The following ZC3HC1 variants were observed in gnomAD, a reference collection of about 807,000 sequenced individuals.
ZC3HC1 encodes zinc finger C3HC-type protein 1.
Under a neutral mutation model 61.9 loss-of-function variants are expected in ZC3HC1, and 38 were observed. That is an observed-to-expected ratio of 0.61 (90% CI 0.47 to 0.81). The LOEUF (loss-of-function observed/expected upper bound fraction) is 0.81, where lower values mean the gene tolerates loss of function less well. Among genes scored for constraint, ZC3HC1 ranks in the 30% least tolerant of loss-of-function variants. The probability of loss-of-function intolerance (pLI) is 0.00; values close to 1 mark genes in which losing one functional copy is unlikely to be tolerated. For missense variants in ZC3HC1, 554 were observed against 622.7 expected, an observed-to-expected ratio of 0.89 and a Z score of 1.17; for synonymous variants, 213 against 229.9, an observed-to-expected ratio of 0.93 and a Z score of 0.67.
At chr7:130,051,412 G>T (rs374517126), upstream of ZC3HC1, 2 of 1,609,890 alleles carry the variant, frequency 1.2e-6, no homozygotes, top group African/African-American at 1.3e-5. Flanking sequence ...GAAGGCTCCG[G>T]AACTTCCGTC....
chr7:130,021,785 G>T (rs917810992), intron 9 of ZC3HC1, among the ~76,000 whole-genome samples: 2 of 152,122 alleles, frequency 1.3e-5, no homozygotes, highest in South Asian at 2.1e-4. Flanking sequence ...GAGAACAAAA[G>T]AATTTATCAG....
intron 4 of ZC3HC1, chr7:130,036,975 T>C (rs1794454040): frequency 6.6e-6 from 1 of 152,156 alleles, no homozygotes; most frequent in South Asian, 2.1e-4. Context: ...ACCTATAATA[T>C]TAAGTGGAAA....
rs35780865 is a variant in ZC3HC1 at position 130,034,484 on chromosome 7, C to CAAAA, written c.493+4976_493+4979dup. 1.1e-4 allele frequency among the ~76,000 whole-genome samples: 7 copies of CAAAA among 62,312 alleles called. 1 individual carries two copies. The highest frequency in any genetic ancestry group is 1.7e-4 in the Non-Finnish European group (6 of 34,438). The allele number at this position is 62,312 out of a possible 152,430, so 40.9% of individuals were successfully genotyped here. A position where few individuals can be genotyped will look rare whatever the true frequency, so the allele number is the denominator to read the frequency against. On this transcript the variant is annotated intron_variant, in intron 4 of 9. Transcript: ENST00000358303. ...TGGGCGACAGAGCGAGACTCCGTCT[C>CAAAA]AAAAAAAAAAAAAAAAAAAAAAAAA...
Position 130,024,471 on chromosome 7 carries a change from G to A in ZC3HC1, c.812C>T (p.Thr271Ile), listed in dbSNP as rs1793797922. The A allele has an allele frequency of 6.2e-7, 1 of 1,613,814 alleles. No individual in the cohort carries two copies. Reference sequence around the variant, plus strand: ...CACCTTCCTCATACATTGCGAACATGTTATCAGGGAGAGCTGCATGGATTC... The same window carrying A: ...CACCTTCCTCATACATTGCGAACATATTATCAGGGAGAGCTGCATGGATTC... ...SLESMQLSLI[T>I]CSQCMRKVGL... Residue 271 changes from threonine to isoleucine, a missense_variant, in exon 7 of 10, where the codon ACA (threonine) becomes ATA (isoleucine). Coordinates refer to ENST00000358303, the MANE Select transcript of ZC3HC1 (RefSeq NM_016478.5).
chr7:130,027,230 G>A (rs557007976), intron 5 of ZC3HC1: 1 of 152,072 alleles, frequency 6.6e-6, no homozygotes, highest in African/African-American at 2.4e-5. Flanking sequence ...AATTGCCTTG[G>A]CTAGGGACAG....
chr7:130,032,668 TGGAAGGAA>T (rs374532483), intron 4 of ZC3HC1, among the ~76,000 whole-genome samples: 2,460 of 58,010 alleles, frequency 0.042, 66 homozygotes, highest in African/African-American at 0.071. Flanking sequence ...ATAGAAGAAA[TGGAAGGAA>T]GGAAGGAAGG....
chr7:130,024,170 C>T (rs1793777894), intron 7 of ZC3HC1, 93 bp downstream of exon 7: 1 of 1,471,456 alleles, frequency 6.8e-7, no homozygotes, highest in South Asian at 1.3e-5. Context: ...GAAGAGAAGC[C>T]TATCCACCTA....
At position 130,049,135 on chromosome 7, in the gene ZC3HC1, CGT is replaced by C; in HGVS notation, c.154_155del (p.Thr52ValfsTer8). 6.3e-7 allele frequency: 1 copy of C among 1,595,100 alleles called. No homozygotes were observed. The highest frequency in any genetic ancestry group is 8.5e-7 in the Non-Finnish European group (1 of 1,171,750). ...PEEGGVDAKD[T>X]SATSQSVNGS... ...CATTAACTGACTGGGATGTGGCAGA[CGT>C]GTCCTTCCTAATATAAAGTGGCAAA... On this transcript the variant is annotated frameshift_variant, in exon 2 of 10. Transcript: ENST00000358303. LOFTEE classifies it high-confidence loss of function.
chr7:130,024,337 G>T lies in ZC3HC1; in HGVS notation c.946C>A (p.Pro316Thr), dbSNP rs1434111557. ...CTCCGAGGAGATTCAGGCACCAGAG[G>T]TAAGCGCTCTGGTCGCCCCTCAAGG... ...PGLEGRPERL[P>T]LVPESPRRMM... The change falls in exon 7 of 10, where the codon CCT becomes ACT. Residue 316 changes from proline to threonine, a missense_variant. Transcript: ENST00000358303. 6.2e-7 allele frequency: 1 copy of T among 1,614,124 alleles called. No individual in the cohort carries two copies. Among genetic ancestry groups the T allele is most frequent in the Admixed American group, 1.7e-5 (1 of 60,002 alleles).
In ZC3HC1 at chr7:130,023,623, CTGG is replaced by C. The variant is rs1408503315; in HGVS notation, c.1118_1120del (p.Thr373del). On this transcript the variant is annotated inframe_deletion, in exon 8 of 10. Coordinates refer to ENST00000358303, the MANE Select transcript of ZC3HC1 (RefSeq NM_016478.5). The surrounding 1 kb of genome is among the most constrained non-coding windows in gnomAD (Gnocchi z 4.2). ...CATGCTTCGGGTCACTGGGCGAGTT[CTGG>C]TGGTGGGGCTAGCAGCCTCTGGCTC... is the stretch of plus-strand genomic sequence containing the variant. 9.3e-6 allele frequency: 15 copies of C among 1,614,002 alleles called. No homozygotes were observed. Among genetic ancestry groups the C allele is most frequent in the Non-Finnish European group, 1.0e-5 (12 of 1,180,026 alleles).
chr7:130,026,028 C>T, intron 6 of ZC3HC1, 130 bp downstream of exon 6: 1 of 1,075,824 alleles, frequency 9.3e-7, no homozygotes, highest in Non-Finnish European at 1.3e-6. Flanking sequence ...CCATCCCCCA[C>T]CCAGTTTTTC....
At chr7:130,046,100 G>C (rs1353291155) in intron 2 of ZC3HC1, among the ~76,000 whole-genome samples, 2 of 152,100 alleles carry the variant, frequency 1.3e-5, no homozygotes, top group Admixed American at 1.3e-4. Context: ...TGAATGATGA[G>C]AACACATGGA....
chr7:130,042,216 T>C (rs1794706096), intron 2 of ZC3HC1, among the ~76,000 whole-genome samples: 1 of 148,872 alleles, frequency 6.7e-6, no homozygotes, highest in African/African-American at 2.5e-5. Flanking sequence ...GGGAGGAGGA[T>C]GGCTTGAGCC....
At position 130,023,335 on chromosome 7, in the gene ZC3HC1, G is replaced by C. The variant is rs1389656814; in HGVS notation, c.1233+176C>G. ...GAATCCACTCCAAAGGAACAAAAAG[G>C]AGCAAAAAACATGACTGACATTTTT... On this transcript the variant is annotated intron_variant, in intron 8 of 9. Transcript: ENST00000358303. This position sits in a 1 kb window ranked among gnomAD's most constrained non-coding sequence, Gnocchi z 4.2. Among the ~76,000 whole-genome samples, 2 of 152,036 alleles carry C rather than the reference G, an allele frequency of 1.3e-5. No homozygotes were observed. The highest frequency in any genetic ancestry group is 2.9e-5 in the Non-Finnish European group (2 of 68,012).
intron 5 of ZC3HC1, 32 bp from the exon 6 acceptor site, chr7:130,026,344 C>T (rs191405783): frequency 3.8e-6 from 6 of 1,588,410 alleles, no homozygotes; most frequent in Middle Eastern, 1.7e-4. Context: ...AACTTCGTTT[C>T]AACCACCATA....
intron 9 of ZC3HC1, 141 bp from the exon 10 acceptor site, chr7:130,018,873 A>G: frequency 6.3e-6 from 4 of 634,890 alleles, no homozygotes; most frequent in Non-Finnish European, 1.0e-5. Flanking sequence ...ATGTATACCT[A>G]AAGTCAGACT....
chr7:130,026,450 CA>C, intron 5 of ZC3HC1, 138 bp from the exon 6 acceptor site: 1 of 852,108 alleles, frequency 1.2e-6, no homozygotes, highest in Non-Finnish European at 1.8e-6. Context: ...TCACAGAGAA[CA>C]AAATACTTCC....
chr7:130,045,890 C>CAAA (rs59500095), intron 2 of ZC3HC1, among the ~76,000 whole-genome samples: 115 of 38,458 alleles, frequency 3.0e-3, no homozygotes, highest in African/African-American at 8.7e-3. Context: ...GACTCCATCT[C>CAAA]AAAAAAAAAA....
intron 2 of ZC3HC1, among the ~76,000 whole-genome samples, chr7:130,046,078 A>G (rs1222648204): frequency 1.3e-5 from 2 of 152,066 alleles, no homozygotes; most frequent in Non-Finnish European, 2.9e-5. Context: ...GTTCTCACTT[A>G]TAAGTGGGAG....
Sources: gnomAD v4.1 joint callset for allele counts (sites outside exome capture counted in the v4.1 genomes callset) on GRCh38, gnomAD v4.1.1 for gene constraint, Gnocchi (gnomAD v3.1) non-coding constraint, MANE v1.5 for transcripts, NCBI Gene and HGNC (gene_info 2026-07-23, HGNC 2026-07-21) for gene names.